The following REDIC1 variants were observed in gnomAD, a reference collection of about 807,000 sequenced individuals.
REDIC1 encodes the protein HEI10 Interacting Protein 1.
chr12:39,823,481 G>C, the REDIC1 span, among the ~76,000 whole-genome samples: 317 of 152,172 alleles, frequency 2.1e-3, no homozygotes, highest in South Asian at 2.9e-3. Context: ...CTCTGTTTTT[G>C]CTATTTGATA....
At chr12:39,861,069 G>C in the REDIC1 span, among the ~76,000 whole-genome samples, 1 of 152,128 alleles carries the variant, frequency 6.6e-6, no homozygotes, top group African/African-American at 2.4e-5. Context: ...TCAGTTCCTT[G>C]CACTTGCCAC....
the REDIC1 span, chr12:39,647,858 ACTCCATCAT>A: frequency 1.2e-6 from 2 of 1,608,450 alleles, no homozygotes; most frequent in South Asian, 1.1e-5. Context: ...CTGCAGTTTC[ACTCCATCAT>A]CTTTTTCAGT....
chr12:39,802,135 A>C, the REDIC1 span: 1 of 152,224 alleles, frequency 6.6e-6, no homozygotes, highest in African/African-American at 2.4e-5. Context: ...ATGGGTGTGT[A>C]ATCTTTGCGA....
chr12:39,640,788 C>A, the REDIC1 span, among the ~76,000 whole-genome samples: 9 of 151,850 alleles, frequency 5.9e-5, no homozygotes, highest in South Asian at 1.9e-3. Context: ...TGTGAAACTT[C>A]ATACTATAAA....
At chr12:39,778,766 A>C in the REDIC1 span, among the ~76,000 whole-genome samples, 1 of 152,152 alleles carries the variant, frequency 6.6e-6, no homozygotes, top group African/African-American at 2.4e-5. Context: ...TGAGATACCA[A>C]AACAAGTGGC....
the REDIC1 span, among the ~76,000 whole-genome samples, chr12:39,656,286 T>G: frequency 6.6e-6 from 1 of 152,188 alleles, no homozygotes; most frequent in African/African-American, 2.4e-5. Flanking sequence ...CATAACAATG[T>G]TTCAGTCAAC....
chr12:39,824,717 G>A, the REDIC1 span, among the ~76,000 whole-genome samples: 1 of 152,094 alleles, frequency 6.6e-6, no homozygotes, highest in South Asian at 2.1e-4. Context: ...TCATCTTATA[G>A]CCAGGAAATG....
the REDIC1 span, among the ~76,000 whole-genome samples, chr12:39,831,894 C>T: frequency 3.3e-5 from 5 of 152,118 alleles, no homozygotes; most frequent in South Asian, 2.1e-4. Flanking sequence ...GCCTGGAGAA[C>T]GATGAGCCAA....
the REDIC1 span, among the ~76,000 whole-genome samples, chr12:39,865,137 A>C: frequency 6.6e-6 from 1 of 152,228 alleles, no homozygotes; most frequent in Non-Finnish European, 1.5e-5. Flanking sequence ...CTAGCCAAAC[A>C]GTAAATTGGT....
the REDIC1 span, among the ~76,000 whole-genome samples, chr12:39,627,678 G>A: frequency 3.3e-5 from 5 of 152,254 alleles, no homozygotes; most frequent in Admixed American, 1.3e-4. Context: ...ACATCTCCCC[G>A]AAGGATCAGT....
chr12:39,805,973 T>C, the REDIC1 span, among the ~76,000 whole-genome samples: 1 of 152,196 alleles, frequency 6.6e-6, no homozygotes, highest in Non-Finnish European at 1.5e-5. Flanking sequence ...TTAAACACTT[T>C]CCTTAGCAAT....
chr12:39,812,388 T>TTCTC, the REDIC1 span, among the ~76,000 whole-genome samples: 2 of 124,822 alleles, frequency 1.6e-5, no homozygotes, highest in Non-Finnish European at 3.8e-5. Context: ...TTTTCTTTCT[T>TTCTC]TCTCTCTCTC....
At chr12:39,779,660 T>C in the REDIC1 span, among the ~76,000 whole-genome samples, 1 of 152,204 alleles carries the variant, frequency 6.6e-6, no homozygotes, top group Non-Finnish European at 1.5e-5. Flanking sequence ...AGAGAAGACA[T>C]ATATTTGCTG....
At chr12:39,705,397 A>G in the REDIC1 span, among the ~76,000 whole-genome samples, 2,683 of 152,160 alleles carry the variant, frequency 0.018, 74 homozygotes, top group African/African-American at 0.06. Flanking sequence ...CGAAGAACTA[A>G]TACCAGTCCT....
chr12:39,843,892 T>C, the REDIC1 span, among the ~76,000 whole-genome samples: 1 of 152,198 alleles, frequency 6.6e-6, no homozygotes, highest in East Asian at 1.9e-4. Flanking sequence ...TGAGCTATAG[T>C]ATATGATTAC....
the REDIC1 span, among the ~76,000 whole-genome samples, chr12:39,898,931 T>G: frequency 1.3e-5 from 2 of 152,160 alleles, no homozygotes; most frequent in Admixed American, 6.6e-5. Context: ...AGAAGAGTGA[T>G]CTAAAATTCT....
At chr12:39,771,167 C>T in the REDIC1 span, among the ~76,000 whole-genome samples, 3 of 152,154 alleles carry the variant, frequency 2.0e-5, no homozygotes, top group East Asian at 3.9e-4. Flanking sequence ...CCTGCCTCTG[C>T]CTCTGCGGGA....
the REDIC1 span, among the ~76,000 whole-genome samples, chr12:39,795,838 C>T: frequency 7.2e-5 from 11 of 152,276 alleles, no homozygotes; most frequent in African/African-American, 2.6e-4. Flanking sequence ...CCTTGCTGTC[C>T]TTTTATGCAT....
At chr12:39,802,611 A>G in the REDIC1 span, among the ~76,000 whole-genome samples, 1 of 152,190 alleles carries the variant, frequency 6.6e-6, no homozygotes, top group African/African-American at 2.4e-5. Flanking sequence ...GTGAACTTAG[A>G]TTGAGACCGT....
Sources: allele counts gnomAD v4.1 joint callset (sites outside exome capture counted in the v4.1 genomes callset), GRCh38; gene constraint gnomAD v4.1.1; transcripts MANE v1.5; gene names NCBI Gene and HGNC (gene_info 2026-07-23, HGNC 2026-07-21).